The following SS18 variants were observed in gnomAD, a reference collection of about 807,000 sequenced individuals.
SS18 encodes SS18 subunit of BAF chromatin remodeling complex.
Under a neutral mutation model 72.5 loss-of-function variants are expected in SS18, and 28 were observed. The ratio of observed to expected loss-of-function variants is 0.39; its 90% CI spans 0.29 to 0.53. The LOEUF is 0.53. SS18 is among the 20% of genes least tolerant of loss of function. The pLI, the probability that SS18 is intolerant of heterozygous loss-of-function variation, is 0.76. For missense variants in SS18, 518 were observed against 535.3 expected (o/e 0.97, Z 0.32); for synonymous variants, 172 against 164.2 (o/e 1.05, Z -0.37).
Position 26,035,064 on chromosome 18 carries a change from G to A in SS18, c.1037C>T (p.Pro346Leu). 1 of 1,613,458 alleles carries A rather than the reference G, an allele frequency of 6.2e-7. No individual in the cohort carries two copies. Among genetic ancestry groups the A allele is most frequent in the Non-Finnish European group, 8.5e-7 (1 of 1,179,650 alleles). ...CCCTGGGTACTGCTGCTGCTGGGGT[G>A]GATATCCCTGTTGTGGAGGTGGTCC... ...YQGPPPQQGY[P>L]PQQQQYPGQQ... The change falls in exon 9 of 11, where the codon CCA (proline) becomes CTA (leucine). Residue 346 changes from proline (P) to leucine (L), a missense_variant. By Grantham distance (98) the Pro-to-Leu change is moderately conservative. Coordinates refer to ENST00000415083, the MANE Select transcript of SS18 (RefSeq NM_001007559.3). The surrounding 1 kb of genome is among the most constrained non-coding windows in gnomAD (Gnocchi z 4.4).
chr18:26,039,243 GC>G (rs2053681001), intron 6 of SS18, 45 bp downstream of exon 6: 1 of 1,308,768 alleles, frequency 7.6e-7, no homozygotes, highest in South Asian at 1.7e-5. Flanking sequence ...AAAATTTAAA[GC>G]CTTTCAATTA....
At chr18:26,021,209 T>A (rs1439583727) in intron 10 of SS18, among the ~76,000 whole-genome samples, 5 of 152,190 alleles carry the variant, frequency 3.3e-5, no homozygotes, top group Non-Finnish European at 5.9e-5. Context: ...CAGAAACCAA[T>A]TTCTAGTGCT....
At chr18:26,089,880 A>T (rs2054685787) in intron 1 of SS18, 1 of 152,370 alleles carries the variant, frequency 6.6e-6, no homozygotes, top group Non-Finnish European at 1.5e-5. Flanking sequence ...TGCAGAATAA[A>T]TGAATAGGCG....
Position 26,038,650 on chromosome 18 carries a change from T to G in SS18, c.785A>C (p.Gln262Pro). The G allele has an allele frequency of 1.2e-6, 2 of 1,613,326 alleles. No individual in the cohort carries two copies. Among genetic ancestry groups the G allele is most frequent in the African/African-American group, 2.7e-5 (2 of 75,028 alleles). The part of the protein sequence containing the change: ...PYRPPQQGPP[Q>P]QYSGQEDYYG... The stretch of plus-strand genomic sequence containing the variant: ...ATAGTCTTCCTGGCCTGAGTACTGC[T>G]GTGGTGGGCCTGAAAAACCACAACC... Residue 262 changes from glutamine (Q) to proline (P), a missense_variant, in exon 7 of 11, where the codon CAG (glutamine) becomes CCG (proline). Gln to Pro is a moderately conservative substitution (Grantham distance 76). Coordinates refer to ENST00000415083, the MANE Select transcript of SS18 (RefSeq NM_001007559.3).
At chr18:26,047,565 T>A (rs181764788) in intron 5 of SS18, among the ~76,000 whole-genome samples, 20 of 152,156 alleles carry the variant, frequency 1.3e-4, no homozygotes, top group Non-Finnish European at 2.6e-4. Flanking sequence ...CAGCCGGGCG[T>A]GGTGGCTCAT....
intron 3 of SS18, among the ~76,000 whole-genome samples, chr18:26,060,547 T>C (rs759538430): frequency 6.6e-5 from 10 of 150,810 alleles, no homozygotes; most frequent in Non-Finnish European, 1.3e-4. Flanking sequence ...GTAAATCTTA[T>C]ATAAACTGTA....
chr18:26,037,574 T>A (rs567797814), intron 7 of SS18, among the ~76,000 whole-genome samples: 44 of 152,208 alleles, frequency 2.9e-4, no homozygotes, highest in Non-Finnish European at 5.9e-4. Flanking sequence ...TAACAAAAAA[T>A]GACAGGTGAG....
In SS18 at chr18:26,027,703, A is replaced by AAAAAAAAGAC. The variant is rs1555643837; in HGVS notation, c.1230+4695_1230+4696insGTCTTTTTTT. On this transcript the variant is annotated intron_variant, in intron 10 of 10. Transcript: ENST00000415083. ...AAAAAAAAAAAAAAAAAAAAAAAAA[A>AAAAAAAAGAC]AGTCTTTTCAACAAATGACTCTGAG... Among the ~76,000 whole-genome samples, 41 of 124,712 alleles carry AAAAAAAAGAC rather than the reference A, an allele frequency of 3.3e-4. 5 individuals carry two copies. Among genetic ancestry groups the AAAAAAAAGAC allele is most frequent in the African/African-American group, 1.4e-3 (40 of 28,044 alleles). The allele number at this position is 124,712 out of a possible 152,430, so 81.8% of individuals were successfully genotyped here.
intron 3 of SS18, among the ~76,000 whole-genome samples, chr18:26,060,563 A>G (rs2054100634): frequency 6.7e-6 from 1 of 148,488 alleles, no homozygotes; most frequent in African/African-American, 2.5e-5. Flanking sequence ...CTGTATCTCA[A>G]TTAAAAAAAG....
chr18:26,022,014 G>A (rs925753225), intron 10 of SS18, among the ~76,000 whole-genome samples: 1 of 152,134 alleles, frequency 6.6e-6, no homozygotes, highest in Non-Finnish European at 1.5e-5. Flanking sequence ...TATATTGAAT[G>A]AGAAGAGTTC....
At chr18:26,042,561 T>C (rs2143909185) in intron 5 of SS18, among the ~76,000 whole-genome samples, 1 of 152,018 alleles carries the variant, frequency 6.6e-6, no homozygotes, top group African/African-American at 2.4e-5. Context: ...CCTCCCAAAT[T>C]ACCATATTTT....
chr18:26,036,786 C>G (rs1256489480), intron 7 of SS18, among the ~76,000 whole-genome samples: 1 of 152,056 alleles, frequency 6.6e-6, no homozygotes, highest in East Asian at 1.9e-4. Flanking sequence ...CCCAAGCCAC[C>G]TCATAAATAC....
At chr18:26,059,916 A>T (rs1044175526) in intron 3 of SS18, among the ~76,000 whole-genome samples, 2 of 152,244 alleles carry the variant, frequency 1.3e-5, no homozygotes, top group African/African-American at 4.8e-5. Context: ...TGTTGTGAAC[A>T]ATGTATAGAA....
At chr18:26,058,156 C>G (rs1304087754) in intron 3 of SS18, among the ~76,000 whole-genome samples, 1 of 152,044 alleles carries the variant, frequency 6.6e-6, no homozygotes, top group East Asian at 1.9e-4. Flanking sequence ...CCAAAATGTG[C>G]CATATTTTAC....
In SS18 at chr18:26,054,642, A is replaced by G. The variant is rs140961332; in HGVS notation, c.386-1797T>C. Among the ~76,000 whole-genome samples the G allele has an allele frequency of 4.7e-4, 72 of 152,320 alleles. No homozygotes were observed. The East Asian group carries it at 0.013, about 29-fold the overall frequency. On this transcript the variant is annotated intron_variant, in intron 4 of 10. Transcript: ENST00000415083. ...TATATCTTTGAGAAAGAAAAGATAC[A>G]TAATAGTATTTAATGAGTGCTATCA... is the stretch of plus-strand genomic sequence containing the variant.
rs1281046014 is a variant in SS18 at position 26,057,587 on chromosome 18, A to C, written c.385+2T>G. The C allele has an allele frequency of 2.5e-6, 4 of 1,614,108 alleles. No homozygotes were observed. On this transcript the variant is annotated splice_donor_variant, in intron 4 of 10. Coordinates refer to ENST00000415083, the MANE Select transcript of SS18 (RefSeq NM_001007559.3). LOFTEE classifies it high-confidence loss of function. ...TTAATGTCTTAGAGGAGAAAAACTT[A>C]CCAGGCATCTGGCCGTTCATCTGGT...
intron 2 of SS18, among the ~76,000 whole-genome samples, chr18:26,087,248 C>CG (rs1266104244): frequency 4.6e-5 from 7 of 151,610 alleles, no homozygotes; most frequent in Admixed American, 4.6e-4. Flanking sequence ...GTGGTTGTCA[C>CG]GGGTTGAGGG....
intron 4 of SS18, 70 bp downstream of exon 4, chr18:26,057,519 C>T: frequency 6.3e-7 from 1 of 1,574,948 alleles, no homozygotes; most frequent in Non-Finnish European, 8.7e-7. Flanking sequence ...ATCTAGTATC[C>T]CTTGAGCCCC....
chr18:26,070,873 T>C (rs577686798), intron 3 of SS18, among the ~76,000 whole-genome samples: 1 of 152,310 alleles, frequency 6.6e-6, no homozygotes, highest in East Asian at 1.9e-4. Context: ...GACTCAAGTA[T>C]CTCAAACTAT....
Sources: allele counts gnomAD v4.1 joint callset (sites outside exome capture counted in the v4.1 genomes callset), GRCh38; gene constraint gnomAD v4.1.1; non-coding constraint Gnocchi (gnomAD v3.1); transcripts MANE v1.5; gene names NCBI Gene and HGNC (gene_info 2026-07-23, HGNC 2026-07-21).